Variants in SPATA17 observed in about 807,000 individuals in gnomAD.
The protein encoded by SPATA17 is spermatogenesis associated 17, also known as spermatogenesis-associated protein 17.
In SPATA17, 53 loss-of-function variants were observed where a neutral mutation model predicts 62.2. That is an observed-to-expected ratio of 0.85 (90% CI 0.68 to 1.07). The LOEUF (loss-of-function observed/expected upper bound fraction) is 1.07. Among genes scored for constraint, SPATA17 ranks in the 50% least tolerant of loss-of-function variants. The pLI is 0.00. For missense variants in SPATA17, 466 were observed against 425.5 expected (o/e 1.10, Z -0.84); for synonymous variants, 146 against 146.8 (o/e 0.99, Z 0.04).
chr1:217,773,163 A>G (rs944814454), intron 6 of SPATA17, among the ~76,000 whole-genome samples: 10 of 152,136 alleles, frequency 6.6e-5, no homozygotes, highest in Admixed American at 6.6e-4. Flanking sequence ...GGAAATTTAC[A>G]CTTTTCTTAG....
chr1:217,688,062 T>C (rs999532676), intron 5 of SPATA17, among the ~76,000 whole-genome samples: 1 of 152,028 alleles, frequency 6.6e-6, no homozygotes, highest in South Asian at 2.1e-4. Flanking sequence ...TGAACTTACC[T>C]CTTAACTTTT....
chr1:217,631,370 C>T lies in SPATA17; in HGVS notation c.-9C>T. On this transcript the variant is annotated 5_prime_UTR_variant, in exon 1 of 11. Transcript: ENST00000366933. ...GTAACACCAGTTGTAAACCCAAGGC[C>T]AAGAGACCATGGCCACGTTAGCCCG... 6.2e-7 allele frequency: 1 copy of T among 1,614,064 alleles called. No homozygotes were observed. Among genetic ancestry groups the T allele is most frequent in the East Asian group, 2.2e-5 (1 of 44,868 alleles).
chr1:217,682,885 A>C (rs547972178), intron 4 of SPATA17, among the ~76,000 whole-genome samples: 8 of 152,280 alleles, frequency 5.3e-5, no homozygotes, highest in African/African-American at 1.9e-4. Context: ...CGTATATTTC[A>C]ATGAGACCAA....
chr1:217,723,811 A>T (rs559722702), intron 5 of SPATA17, among the ~76,000 whole-genome samples: 1 of 152,340 alleles, frequency 6.6e-6, no homozygotes, highest in Non-Finnish European at 1.5e-5. Context: ...TGTGCAGATA[A>T]CGGGCTTTTC....
intron 9 of SPATA17, among the ~76,000 whole-genome samples, chr1:217,833,802 T>TAA: frequency 6.6e-6 from 1 of 152,308 alleles, no homozygotes; most frequent in Admixed American, 6.5e-5. Flanking sequence ...AAGTAAAATT[T>TAA]AATGAGAACA....
chr1:217,863,875 GAA>G (rs1675947518), intron 10 of SPATA17, among the ~76,000 whole-genome samples: 1 of 152,150 alleles, frequency 6.6e-6, no homozygotes, highest in African/African-American at 2.4e-5. Context: ...ATGCTAGTTA[GAA>G]TCCCCCAGCT....
At position 217,744,207 on chromosome 1, in the gene SPATA17, A is replaced by T. The variant is rs1672695951; in HGVS notation, c.519+2109A>T. ...GCCGGGCGCGGTGGCTCACGCCTGT[A>T]ATCCCAGCACTTTGGGAGGCCGAGG... On this transcript the variant is annotated intron_variant, in intron 6 of 10. Transcript: ENST00000366933. 1.8e-5 allele frequency among the ~76,000 whole-genome samples: 2 copies of T among 113,920 alleles called. 1 individual carries two copies. The highest frequency in any genetic ancestry group is 5.4e-5 in the African/African-American group (2 of 36,846). The allele number at this position is 113,920 out of a possible 152,430, so 74.7% of individuals were successfully genotyped here.
At chr1:217,843,912 A>G (rs1354078919) in intron 9 of SPATA17, among the ~76,000 whole-genome samples, 1 of 152,142 alleles carries the variant, frequency 6.6e-6, no homozygotes, top group African/African-American at 2.4e-5. Flanking sequence ...TGTGTATAGC[A>G]CTGTGACAGT....
chr1:217,698,627 T>C (rs542243373), intron 5 of SPATA17, among the ~76,000 whole-genome samples: 2 of 151,776 alleles, frequency 1.3e-5, no homozygotes, highest in East Asian at 3.9e-4. Flanking sequence ...AATACCAACA[T>C]CTTGCAGAAC....
intron 9 of SPATA17, among the ~76,000 whole-genome samples, chr1:217,839,052 A>G (rs1464725574): frequency 1.3e-5 from 2 of 152,072 alleles, no homozygotes; most frequent in African/African-American, 2.4e-5. Flanking sequence ...AGAAAAATCA[A>G]TCAAAAACAC....
At chr1:217,715,251 AAAT>A (rs1671975633) in intron 5 of SPATA17, among the ~76,000 whole-genome samples, 1 of 152,216 alleles carries the variant, frequency 6.6e-6, no homozygotes, top group South Asian at 2.1e-4. Flanking sequence ...GATGATATTG[AAAT>A]ATCTTTTTTA....
chr1:217,754,226 C>A (rs1672985738), intron 6 of SPATA17, among the ~76,000 whole-genome samples: 1 of 152,050 alleles, frequency 6.6e-6, no homozygotes. Context: ...CAAAGCAAGA[C>A]CCTGTCTCAA....
intron 5 of SPATA17, 52 bp downstream of exon 5, chr1:217,683,413 A>G: frequency 8.7e-7 from 1 of 1,152,606 alleles, no homozygotes; most frequent in Non-Finnish European, 1.3e-6. Flanking sequence ...AAGATTACTC[A>G]ATAGATGTTG....
chr1:217,704,212 T>C (rs1475458128), intron 5 of SPATA17, among the ~76,000 whole-genome samples: 1 of 136,570 alleles, frequency 7.3e-6, no homozygotes, highest in Non-Finnish European at 1.6e-5. Flanking sequence ...TTATCCTAAC[T>C]CTCCTCCTTC....
intron 9 of SPATA17, among the ~76,000 whole-genome samples, chr1:217,857,186 C>G (rs973096653): frequency 2.0e-5 from 3 of 152,150 alleles, no homozygotes; most frequent in Non-Finnish European, 4.4e-5. Context: ...TTACTAACAT[C>G]GAAGTATTTA....
chr1:217,743,551 T>A (rs1672674977), intron 6 of SPATA17, among the ~76,000 whole-genome samples: 1 of 152,180 alleles, frequency 6.6e-6, no homozygotes, highest in South Asian at 2.1e-4. Context: ...GTGCTATGTA[T>A]ACTTATGATG....
At chr1:217,779,363 G>T (rs79351331) in intron 7 of SPATA17, among the ~76,000 whole-genome samples, 1 of 150,592 alleles carries the variant, frequency 6.6e-6, no homozygotes. Context: ...TCTTTTCTTC[G>T]TTCTCTCTTT....
chr1:217,818,326 T>C (rs1414304092), intron 9 of SPATA17, among the ~76,000 whole-genome samples: 1 of 152,072 alleles, frequency 6.6e-6, no homozygotes, highest in Non-Finnish European at 1.5e-5. Context: ...ATACAGTCAA[T>C]CATCACTTTA....
intron 5 of SPATA17, chr1:217,737,895 G>C (rs1672547260): frequency 6.5e-6 from 1 of 152,732 alleles, no homozygotes; most frequent in South Asian, 2.1e-4. Context: ...GTGCGATCCG[G>C]CTCACTGCAA....
Sources: gnomAD v4.1 joint callset for allele counts (sites outside exome capture counted in the v4.1 genomes callset) on GRCh38, gnomAD v4.1.1 for gene constraint, MANE v1.5 for transcripts, NCBI Gene and HGNC (gene_info 2026-07-23, HGNC 2026-07-21) for gene names.